Variants in TMCO6 observed in about 807,000 individuals in gnomAD.
TMCO6 encodes the protein transmembrane and coiled-coil domains 6.
Under a neutral mutation model 61.8 loss-of-function variants are expected in TMCO6, and 47 were observed. That is an observed-to-expected ratio of 0.76 (90% confidence interval 0.60 to 0.97). The LOEUF is 0.97. Among genes scored for constraint, TMCO6 ranks in the 50% least tolerant of loss-of-function variants. TMCO6 has a pLI of 0.00. For missense variants in TMCO6, 557 were observed against 601.6 expected (o/e 0.93, Z 0.78); for synonymous variants, 261 against 254.2 (o/e 1.03, Z -0.25).
chr5:140,632,107 T>C, the TMCO6 span: 1 of 1,614,178 alleles, frequency 6.2e-7, no homozygotes, highest in Non-Finnish European at 8.5e-7. The surrounding 1 kb of genome is among the most constrained non-coding windows in gnomAD (Gnocchi z 6.2). Flanking sequence ...GGCAGTCCTT[T>C]AGGCACCTGT....
the TMCO6 span, among the ~76,000 whole-genome samples, chr5:140,610,472 T>C: frequency 1.3e-5 from 2 of 152,312 alleles, no homozygotes; most frequent in East Asian, 3.9e-4. Flanking sequence ...GTGCTGGGAT[T>C]ACAGGCATGA....
the TMCO6 span, among the ~76,000 whole-genome samples, chr5:140,605,609 G>C: frequency 6.6e-6 from 1 of 151,952 alleles, no homozygotes; most frequent in African/African-American, 2.4e-5. Flanking sequence ...GCATCCAGGA[G>C]GCAGAGGTTG....
the TMCO6 span, among the ~76,000 whole-genome samples, chr5:140,598,524 T>C: frequency 6.6e-6 from 1 of 152,236 alleles, no homozygotes; most frequent in African/African-American, 2.4e-5. Context: ...TGACTCTTGG[T>C]TTGAAGAAAT....
chr5:140,644,743 A>T lies in TMCO6; in HGVS notation c.1368+3A>T. The T allele has an allele frequency of 6.2e-7, 1 of 1,614,102 alleles. No homozygotes were observed. The highest frequency in any genetic ancestry group is 8.5e-7 in the Non-Finnish European group (1 of 1,179,958). ...TGCTGTTCCTGTATCAGCCAGAGGT[A>T]TAGGTTTCTGGCCCACATCCTCAGT... On this transcript the variant is annotated splice_donor_region_variant and intron_variant, in intron 11 of 11. Coordinates refer to ENST00000394671, the MANE Select transcript of TMCO6 (RefSeq NM_018502.5).
At chr5:140,620,808 C>G in the TMCO6 span, among the ~76,000 whole-genome samples, 20 of 152,216 alleles carry the variant, frequency 1.3e-4, no homozygotes, top group African/African-American at 4.8e-4. Context: ...CCCAGGAGTT[C>G]GAGCCCAGCC....
At chr5:140,641,215 G>C (rs1381260971) in intron 2 of TMCO6, 2 of 157,114 alleles carry the variant, frequency 1.3e-5, no homozygotes, top group Non-Finnish European at 2.8e-5. Context: ...TGGGAAGCTG[G>C]AGAGGGTATC....
Position 140,643,899 on chromosome 5 carries a change from G to A in TMCO6, c.1038G>A (p.Leu346=), listed in dbSNP as rs764038315. 2.5e-6 allele frequency: 4 copies of A among 1,614,182 alleles called. No individual in the cohort carries two copies. The highest frequency in any genetic ancestry group is 2.5e-6 in the Non-Finnish European group (3 of 1,180,042). Residue 346 remains leucine, a synonymous_variant, in exon 9 of 12, where the codon CTG becomes CTA. Transcript: ENST00000394671. ...ERVVAALFIL[L]QFFFQKQPSL... is the part of the protein sequence containing the mutation. Reference sequence around the variant, plus strand: ...TTGTGGCAGCCTTATTTATCCTTCTGCAGTTCTTTTTCCAGAAACAGCCCA... The same window carrying A: ...TTGTGGCAGCCTTATTTATCCTTCTACAGTTCTTTTTCCAGAAACAGCCCA...
chr5:140,640,931 T>C (rs1022809960), intron 2 of TMCO6: 2 of 152,938 alleles, frequency 1.3e-5, no homozygotes, highest in African/African-American at 4.8e-5. Flanking sequence ...TTTACGTACA[T>C]AGTTTACCGT....
upstream of TMCO6, chr5:140,639,248 C>T (rs1055843288): frequency 2.5e-6 from 1 of 406,208 alleles, no homozygotes; most frequent in African/African-American, 2.2e-5. Context: ...GGATGAGAGA[C>T]TTTTTTTCCT....
chr5:140,621,500 T>C, the TMCO6 span, among the ~76,000 whole-genome samples: 1 of 152,164 alleles, frequency 6.6e-6, no homozygotes, highest in Non-Finnish European at 1.5e-5. Context: ...CTGAGGAGGA[T>C]GTATGTTGCC....
the TMCO6 span, among the ~76,000 whole-genome samples, chr5:140,612,958 G>A: frequency 6.6e-6 from 1 of 152,140 alleles, no homozygotes; most frequent in African/African-American, 2.4e-5. Context: ...TCAGAGGCTG[G>A]AGATACAAAA....
Position 140,645,126 on chromosome 5 carries a change from C to G in TMCO6, c.*28C>G. Reference sequence around the variant, plus strand: ...TTGTTTCTCAATGTCACTCATTCCCCTCTCTCTTAACATCAAGCTTGTTTG... The same window carrying G: ...TTGTTTCTCAATGTCACTCATTCCCGTCTCTCTTAACATCAAGCTTGTTTG... On this transcript the variant is annotated 3_prime_UTR_variant, in exon 12 of 12. Coordinates refer to ENST00000394671, the MANE Select transcript of TMCO6 (RefSeq NM_018502.5). The G allele has an allele frequency of 6.2e-7, 1 of 1,601,080 alleles. No individual in the cohort carries two copies. Among genetic ancestry groups the G allele is most frequent in the Non-Finnish European group, 8.6e-7 (1 of 1,168,622 alleles).
At chr5:140,631,640 G>A in the TMCO6 span, 1 of 454,750 alleles carries the variant, frequency 2.2e-6, no homozygotes. Flanking sequence ...TTAGGATGAA[G>A]AAAGCCTAAG....
rs990292264 is a variant in TMCO6, at chr5:140,639,563, G to A, written c.36G>A (p.Thr12=). ...GACGGCAGGGCCGCCTCAGGCCCAC[G>A]GTCTGCGGGGTGGAGGAGCTACGGC... is the stretch of plus-strand genomic sequence containing the variant. ...WSRRQGRLRP[T]VCGVEELRRR... is the part of the protein sequence containing the mutation. Residue 12 remains threonine, a synonymous_variant, in exon 1 of 12, where the codon ACG becomes ACA. Coordinates refer to ENST00000394671, the MANE Select transcript of TMCO6 (RefSeq NM_018502.5). The A allele has an allele frequency of 1.2e-5, 18 of 1,548,282 alleles. No homozygotes were observed. The highest frequency in any genetic ancestry group is 6.9e-5 in the African/African-American group (5 of 72,964).
chr5:140,605,808 T>TTAA, the TMCO6 span, among the ~76,000 whole-genome samples: 2 of 152,164 alleles, frequency 1.3e-5, no homozygotes, highest in Non-Finnish European at 2.9e-5. Flanking sequence ...TTAAGTCTTT[T>TTAA]TAATATTTGG....
At chr5:140,626,571 C>T in the TMCO6 span, among the ~76,000 whole-genome samples, 28 of 152,016 alleles carry the variant, frequency 1.8e-4, no homozygotes, top group African/African-American at 2.7e-4. Flanking sequence ...AGGTCATTCC[C>T]CTTGACCACC....
the TMCO6 span, among the ~76,000 whole-genome samples, chr5:140,603,347 G>T: frequency 6.6e-6 from 1 of 151,776 alleles, no homozygotes; most frequent in East Asian, 1.9e-4. Context: ...TCACTCCATT[G>T]CCCAGGCTGG....
chr5:140,640,160 C>T (rs778987757), intron 2 of TMCO6, among the ~76,000 whole-genome samples: 1 of 152,192 alleles, frequency 6.6e-6, no homozygotes, highest in Admixed American at 6.5e-5. Context: ...CACCCTGCAT[C>T]TATGCTTGTC....
At chr5:140,647,500 G>A (rs1757474307), downstream of TMCO6, 3 of 1,612,544 alleles carry the variant, frequency 1.9e-6, no homozygotes, top group Admixed American at 1.7e-5. Flanking sequence ...CCTGGCTGCC[G>A]GGCGAGCGCT....
Sources: gnomAD v4.1 joint callset for allele counts (sites outside exome capture counted in the v4.1 genomes callset) on GRCh38, gnomAD v4.1.1 for gene constraint, Gnocchi (gnomAD v3.1) non-coding constraint, MANE v1.5 for transcripts, NCBI Gene and HGNC (gene_info 2026-07-23, HGNC 2026-07-21) for gene names.